CDK5RAP2: variants seen among roughly 807,000 people sequenced by gnomAD.
CDK5RAP2 encodes CDK5 regulatory subunit associated protein 2.
CDK5RAP2 carries 147 observed loss-of-function variants against 232.9 expected under a neutral mutation model. The ratio of observed to expected loss-of-function variants is 0.63; its 90% confidence interval spans 0.55 to 0.72. CDK5RAP2 has a LOEUF of 0.72. Among genes scored for constraint, CDK5RAP2 ranks in the 30% least tolerant of loss-of-function variants. CDK5RAP2 has a pLI of 0.00. For missense variants in CDK5RAP2, 2,195 were observed against 2,231.5 expected (o/e 0.98, Z 0.33); for synonymous variants, 833 against 833.7 (o/e 1.00, Z 0.01).
chr9:120,444,766 C>A (rs926984961), intron 22 of CDK5RAP2, among the ~76,000 whole-genome samples: 1 of 152,188 alleles, frequency 6.6e-6, no homozygotes, highest in Non-Finnish European at 1.5e-5. Flanking sequence ...TGAAATTAGG[C>A]AGGCTGATTC....
chr9:120,453,257 G>C (rs976438165), intron 21 of CDK5RAP2, among the ~76,000 whole-genome samples, 199 bp downstream of exon 21: 1 of 152,124 alleles, frequency 6.6e-6, no homozygotes. Context: ...GAGAGACAGA[G>C]GGAGTGAGGG....
intron 27 of CDK5RAP2, among the ~76,000 whole-genome samples, chr9:120,418,177 C>T (rs910430448): frequency 6.6e-6 from 1 of 152,182 alleles, no homozygotes; most frequent in Non-Finnish European, 1.5e-5. Flanking sequence ...GGTGGGCTTA[C>T]TGGGATGACT....
intron 25 of CDK5RAP2, among the ~76,000 whole-genome samples, chr9:120,430,804 C>T (rs1301218208): frequency 8.5e-5 from 13 of 152,110 alleles, no homozygotes; most frequent in Non-Finnish European, 1.0e-4. Flanking sequence ...TATAAAGACA[C>T]ATGCACACAT....
intron 18 of CDK5RAP2, 127 bp downstream of exon 18, chr9:120,467,733 C>A: frequency 9.5e-6 from 9 of 949,944 alleles, no homozygotes; most frequent in Non-Finnish European, 1.5e-5. Flanking sequence ...GCAGCCTCAA[C>A]GTCCTGGGCC....
At chr9:120,460,437 T>C in intron 19 of CDK5RAP2, 135 bp downstream of exon 19, 2 of 802,708 alleles carry the variant, frequency 2.5e-6, no homozygotes, top group Non-Finnish European at 2.1e-6. Context: ...TAGTCTTTGC[T>C]TTCCACTGGC....
intron 16 of CDK5RAP2, among the ~76,000 whole-genome samples, chr9:120,471,101 T>C (rs544937102): frequency 6.6e-6 from 1 of 152,330 alleles, no homozygotes; most frequent in East Asian, 1.9e-4. Flanking sequence ...ACACAGCAGA[T>C]GCTCAAGAGA....
intron 25 of CDK5RAP2, among the ~76,000 whole-genome samples, chr9:120,423,574 C>T (rs1249378621): frequency 6.6e-6 from 1 of 152,192 alleles, no homozygotes; most frequent in Non-Finnish European, 1.5e-5. Flanking sequence ...TTATCATTTG[C>T]TGTTTGAAAG....
chr9:120,415,302 G>A (rs2131345089), intron 27 of CDK5RAP2, 143 bp from the exon 28 acceptor site: 3 of 889,480 alleles, frequency 3.4e-6, no homozygotes, highest in Non-Finnish European at 5.4e-6. Context: ...TCCTAGGCAT[G>A]GGGAGGGTGA....
chr9:120,523,462 C>A (rs1365016224), intron 11 of CDK5RAP2, among the ~76,000 whole-genome samples: 1 of 152,184 alleles, frequency 6.6e-6, no homozygotes, highest in Non-Finnish European at 1.5e-5. Flanking sequence ...AATCTTAGCT[C>A]CATTTCATCA....
intron 3 of CDK5RAP2, among the ~76,000 whole-genome samples, chr9:120,567,647 T>C (rs933754554): frequency 5.3e-5 from 8 of 152,172 alleles, no homozygotes; most frequent in South Asian, 2.1e-4. Context: ...ACATCAAGCA[T>C]TGAAGCCAAA....
chr9:120,556,993 C>T (rs1369547403), intron 3 of CDK5RAP2, among the ~76,000 whole-genome samples: 1 of 152,162 alleles, frequency 6.6e-6, no homozygotes, highest in African/African-American at 2.4e-5. Flanking sequence ...TACTCAGCTA[C>T]CAATAAAATA....
chr9:120,433,753 T>C (rs1437496694), intron 25 of CDK5RAP2, among the ~76,000 whole-genome samples: 1 of 152,216 alleles, frequency 6.6e-6, no homozygotes, highest in Non-Finnish European at 1.5e-5. Flanking sequence ...AGGAAAAGTT[T>C]TTTGTCCAGA....
intron 12 of CDK5RAP2, among the ~76,000 whole-genome samples, chr9:120,515,862 G>A (rs2040313148): frequency 6.6e-6 from 1 of 152,198 alleles, no homozygotes; most frequent in Non-Finnish European, 1.5e-5. Context: ...TAAAAAGTCA[G>A]GAAACAACAG....
chr9:120,407,169 G>C lies in CDK5RAP2; in HGVS notation c.4806C>G (p.Arg1602=), dbSNP rs751080288. ...HSLLMEIQAL[R]LQLERSIETS... ...TTTCGATGCTCCTTTCTAGTTGCAA[G>C]CGCAGAGCCTGGATCTCCATCAGGA... The change falls in exon 32 of 38, where the codon CGC becomes CGG. Residue 1602 remains arginine (R), a synonymous_variant. Transcript: ENST00000349780. 1.2e-6 allele frequency: 2 copies of C among 1,613,982 alleles called. No homozygotes were observed. Among genetic ancestry groups the C allele is most frequent in the Non-Finnish European group, 1.7e-6 (2 of 1,180,032 alleles).
At chr9:120,517,242 T>C (rs983078164) in intron 12 of CDK5RAP2, among the ~76,000 whole-genome samples, 9 of 152,242 alleles carry the variant, frequency 5.9e-5, no homozygotes, top group African/African-American at 2.2e-4. Context: ...GTTTTCTTTA[T>C]TGATCCATTA....
chr9:120,558,516 A>G (rs931152733), intron 3 of CDK5RAP2, among the ~76,000 whole-genome samples: 1 of 151,906 alleles, frequency 6.6e-6, no homozygotes, highest in African/African-American at 2.4e-5. Context: ...CATTCTTAGA[A>G]TAAAACTCCC....
rs930697398 is a variant in CDK5RAP2, at chr9:120,407,355, C to G, written c.4727-107G>C. On this transcript the variant is annotated intron_variant, in intron 31 of 37. Transcript: ENST00000349780. ...ACTCACCACCACCATCGCCCTCCCC[C>G]TTCCTAAGAACTAGGTACAGTTTAA... 2.5e-5 allele frequency: 21 copies of G among 835,446 alleles called. No homozygotes were observed. In the Middle Eastern group the frequency reaches 1.3e-3, roughly 52 times the overall value. 51.8% of individuals were successfully genotyped at this position (835,446 alleles called of 1,614,324 possible).
At chr9:120,458,736 T>C in intron 19 of CDK5RAP2, 114 bp from the exon 20 acceptor site, 1 of 922,632 alleles carries the variant, frequency 1.1e-6, no homozygotes, top group Non-Finnish European at 1.7e-6. Flanking sequence ...CCAGACACAC[T>C]GAGCCAGAGA....
At chr9:120,426,283 G>A (rs2034897129) in intron 25 of CDK5RAP2, among the ~76,000 whole-genome samples, 1 of 152,212 alleles carries the variant, frequency 6.6e-6, no homozygotes, top group Non-Finnish European at 1.5e-5. Context: ...CACAGCCCCA[G>A]GAGGTCCTGA....
Sources: gnomAD v4.1 joint callset for allele counts (sites outside exome capture counted in the v4.1 genomes callset) on GRCh38, gnomAD v4.1.1 for gene constraint, MANE v1.5 for transcripts, NCBI Gene and HGNC (gene_info 2026-07-23, HGNC 2026-07-21) for gene names.